UPP2: variants seen among roughly 807,000 people sequenced by gnomAD.
The protein encoded by UPP2 is UPase 2.
A neutral mutation model predicts 26.7 loss-of-function variants in UPP2; 23 were observed. The observed-to-expected ratio is 0.86, with a 90% CI of 0.62 to 1.22. The LOEUF (loss-of-function observed/expected upper bound fraction) is 1.22. UPP2 is among the 50% of genes most tolerant of loss of function. The probability of loss-of-function intolerance (pLI) is 0.00; values close to 1 mark genes in which losing one functional copy is unlikely to be tolerated. For synonymous variants in UPP2, 127 were observed against 141.3 expected, an observed-to-expected ratio of 0.90 and a Z score of 0.72; for missense variants, 387 against 396.7, an observed-to-expected ratio of 0.98 and a Z score of 0.21.
At chr2:158,112,532 C>A (rs1253555312) in intron 2 of UPP2, among the ~76,000 whole-genome samples, 2 of 151,842 alleles carry the variant, frequency 1.3e-5, no homozygotes, top group African/African-American at 4.8e-5. Flanking sequence ...ATCTTTGTGA[C>A]CTTGGATTAG....
chr2:158,036,760 T>C (rs1684007772), intron 3 of UPP2, among the ~76,000 whole-genome samples: 1 of 152,224 alleles, frequency 6.6e-6, no homozygotes, highest in African/African-American at 2.4e-5. Flanking sequence ...TATCTGTCCC[T>C]GTGGGCAGAA....
chr2:158,064,157 T>G (rs1276125462), intron 3 of UPP2, among the ~76,000 whole-genome samples: 1 of 152,240 alleles, frequency 6.6e-6, no homozygotes, highest in Non-Finnish European at 1.5e-5. Flanking sequence ...TCTAGATCCT[T>G]GAAGAATTGC....
chr2:158,080,057 CA>C (rs1211753309), intron 3 of UPP2, among the ~76,000 whole-genome samples: 3 of 152,136 alleles, frequency 2.0e-5, no homozygotes, highest in Non-Finnish European at 4.4e-5. Flanking sequence ...ATTTCCCTTT[CA>C]GAGCTTTCTC....
At chr2:158,105,134 G>A (rs181663507) in intron 1 of UPP2, among the ~76,000 whole-genome samples, 1 of 151,764 alleles carries the variant, frequency 6.6e-6, no homozygotes, top group African/African-American at 2.4e-5. Flanking sequence ...ACTGTGGTGT[G>A]GGGGTAGATA....
At chr2:158,061,729 C>G (rs763198968) in intron 3 of UPP2, among the ~76,000 whole-genome samples, 2 of 152,244 alleles carry the variant, frequency 1.3e-5, no homozygotes, top group Non-Finnish European at 2.9e-5. Context: ...TTTCTTTCCT[C>G]TCTTCCTGCT....
chr2:158,085,306 G>A (rs1682794958), intron 3 of UPP2, among the ~76,000 whole-genome samples: 2 of 152,074 alleles, frequency 1.3e-5, no homozygotes, highest in South Asian at 4.1e-4. Flanking sequence ...CAGCTTGGTT[G>A]CTGTTGGTGT....
intron 3 of UPP2, among the ~76,000 whole-genome samples, chr2:158,086,400 C>T (rs1450597299): frequency 6.6e-6 from 1 of 151,938 alleles, no homozygotes; most frequent in Non-Finnish European, 1.5e-5. Flanking sequence ...TGTTTCATCT[C>T]ACTAGTGATC....
chr2:158,126,866 T>C (rs771820972), intron 6 of UPP2: 8 of 152,192 alleles, frequency 5.3e-5, no homozygotes, highest in Non-Finnish European at 7.3e-5. Context: ...CCACTGTTAG[T>C]TATGGCCCAC....
intron 3 of UPP2, among the ~76,000 whole-genome samples, chr2:158,096,631 A>G (rs1682990445): frequency 6.6e-6 from 1 of 152,108 alleles, no homozygotes; most frequent in Non-Finnish European, 1.5e-5. Flanking sequence ...ATAATAAACA[A>G]TAAGTGGCCA....
intron 3 of UPP2, among the ~76,000 whole-genome samples, chr2:158,117,456 A>G (rs1198364919): frequency 1.3e-5 from 2 of 152,012 alleles, no homozygotes; most frequent in African/African-American, 4.8e-5. Context: ...CTCAAAATCA[A>G]GTCAATCGTG....
At chr2:158,033,671 A>C (rs1454722226) in intron 3 of UPP2, among the ~76,000 whole-genome samples, 1 of 152,216 alleles carries the variant, frequency 6.6e-6, no homozygotes, top group African/African-American at 2.4e-5. Flanking sequence ...ACCTGCAGGC[A>C]GCTGTCCAAC....
At chr2:158,047,877 T>C (rs1682054297) in intron 3 of UPP2, among the ~76,000 whole-genome samples, 1 of 152,216 alleles carries the variant, frequency 6.6e-6, no homozygotes, top group African/African-American at 2.4e-5. Context: ...TTCTAAATTC[T>C]AGAAGGAGTC....
At chr2:158,071,517 T>C (rs7570575) in intron 3 of UPP2, among the ~76,000 whole-genome samples, 85,359 of 142,910 alleles carry the variant, frequency 0.6, 26,388 homozygotes, top group African/African-American at 0.7. Context: ...TGGTATTGCA[T>C]TCCAGCCTGG....
rs182629405 is a variant in UPP2 at position 158,115,847 on chromosome 2, C to T, written c.339+588C>T. 7.9e-5 allele frequency among the ~76,000 whole-genome samples: 12 copies of T among 152,300 alleles called. No homozygotes were observed. The South Asian group carries it at 1.2e-3, about 16-fold the overall frequency. On this transcript the variant is annotated intron_variant, in intron 3 of 6. Coordinates refer to ENST00000005756, the MANE Select transcript of UPP2 (RefSeq NM_173355.4). The stretch of plus-strand genomic sequence containing the variant: ...TCAGCTGGGCACACACTGATGAGGG[C>T]GTATGTGCATAGGCATCCCATTTGC...
At chr2:158,069,141 CTCT>C (rs1454565256) in intron 3 of UPP2, among the ~76,000 whole-genome samples, 4 of 151,976 alleles carry the variant, frequency 2.6e-5, no homozygotes. Context: ...GGCTAGTCGC[CTCT>C]GGAACAAATG....
intron 3 of UPP2, among the ~76,000 whole-genome samples, chr2:158,042,224 C>T (rs184068124): frequency 3.9e-5 from 6 of 152,158 alleles, no homozygotes; most frequent in Non-Finnish European, 8.8e-5. Context: ...GCTACTCTGA[C>T]TGATTTAGGC....
chr2:158,096,540 G>A (rs757958105), intron 3 of UPP2, among the ~76,000 whole-genome samples: 11 of 152,026 alleles, frequency 7.2e-5, no homozygotes, highest in Non-Finnish European at 1.3e-4. Flanking sequence ...CGGAGGTTGC[G>A]GTGAACTGAG....
Position 158,068,787 on chromosome 2 carries a change from TATATATATATATATA to T in UPP2, c.148-33252_148-33238del, listed in dbSNP as rs1356366804. ...TCAAATATATATATATATATATATA[TATATATATATATATA>T]TTTTTTTTTTTTTTTTTTTTTTTTT... On this transcript the variant is annotated intron_variant, in intron 3 of 9. Transcript: ENST00000605860. Among the ~76,000 whole-genome samples, 18 of 15,892 alleles carry T rather than the reference TATATATATATATATA, an allele frequency of 1.1e-3. 1 individual carries two copies. Among genetic ancestry groups the T allele is most frequent in the African/African-American group, 1.8e-3 (7 of 3,922 alleles). The allele number at this position is 15,892 out of a possible 152,430, so 10.4% of individuals were successfully genotyped here.
chr2:158,085,413 G>C (rs1388486569), intron 3 of UPP2, among the ~76,000 whole-genome samples: 2 of 152,034 alleles, frequency 1.3e-5, no homozygotes, highest in African/African-American at 4.8e-5. Flanking sequence ...GGAGTCTTTA[G>C]GGTTTTCTAG....
Sources: gnomAD v4.1 joint callset for allele counts (sites outside exome capture counted in the v4.1 genomes callset) on GRCh38, gnomAD v4.1.1 for gene constraint, MANE v1.5 for transcripts, NCBI Gene and HGNC (gene_info 2026-07-23, HGNC 2026-07-21) for gene names.